VGLL3: variants seen among roughly 807,000 people sequenced by gnomAD.
VGLL3 encodes the protein vestigial like family member 3.
VGLL3 carries 18 observed loss-of-function variants against 29.2 expected under a neutral mutation model. That is an observed-to-expected ratio of 0.62 (90% confidence interval 0.43 to 0.91). The LOEUF is 0.91. VGLL3 is among the 40% of genes least tolerant of loss of function. The probability of loss-of-function intolerance (pLI) is 0.00; values close to 1 mark genes in which losing one functional copy is unlikely to be tolerated. For missense variants in VGLL3, 440 were observed against 413.2 expected (o/e 1.06, Z -0.56); for synonymous variants, 180 against 151.8 (o/e 1.19, Z -1.36).
At chr3:86,980,520 G>T (rs79391067) in intron 1 of VGLL3, among the ~76,000 whole-genome samples, 1 of 152,056 alleles carries the variant, frequency 6.6e-6, no homozygotes, top group Non-Finnish European at 1.5e-5. Flanking sequence ...AATGTGCCTT[G>T]CTGATGAATA....
In VGLL3 at chr3:86,968,614, C is replaced by T. The variant is rs373420798; in HGVS notation, c.913G>A (p.Val305Met). 107 of 1,613,892 alleles carry T rather than the reference C, an allele frequency of 6.6e-5. No individual in the cohort carries two copies. Among genetic ancestry groups the T allele is most frequent in the Non-Finnish European group, 9.0e-5 (106 of 1,180,024 alleles). ...AGAFHGTVDI[V>M]PSVGFDTGLQ... The stretch of plus-strand genomic sequence containing the variant: ...CCTGTATCGAATCCCACGCTGGGCA[C>T]TATGTCTACTGTTCCATGAAAGGCT... Residue 305 changes from valine (V) to methionine (M), a missense_variant, in exon 3 of 4, where the codon GTG becomes ATG. Physicochemically the swap from Val to Met is conservative, Grantham distance 21 (BLOSUM62 1). Transcript: ENST00000398399.
intron 2 of VGLL3, among the ~76,000 whole-genome samples, chr3:86,976,403 C>A (rs1483950894): frequency 6.6e-6 from 1 of 152,174 alleles, no homozygotes; most frequent in Non-Finnish European, 1.5e-5. Context: ...CCTGTTTCTA[C>A]CCTAAAAGCT....
chr3:86,949,683 G>A (rs568745581), intron 3 of VGLL3, among the ~76,000 whole-genome samples: 3 of 151,832 alleles, frequency 2.0e-5, no homozygotes, highest in Non-Finnish European at 4.4e-5. Flanking sequence ...AAAATTAGCC[G>A]GGCGTGATGG....
chr3:86,986,740 A>T (rs1253210125), intron 1 of VGLL3, among the ~76,000 whole-genome samples: 3 of 152,218 alleles, frequency 2.0e-5, no homozygotes, highest in African/African-American at 7.2e-5. Context: ...TGAGACACTT[A>T]ACTGCTAATA....
In VGLL3 at chr3:86,947,082, A is replaced by G. The variant is rs569277158; in HGVS notation, c.938-15T>C. The stretch of plus-strand genomic sequence containing the variant: ...ATGCTGTAGACCTGGAACAAATGAC[A>G]ATGGGGAAAAAATAAAGAACATTAA... On this transcript the variant is annotated splice_polypyrimidine_tract_variant and intron_variant, in intron 3 of 3. Coordinates refer to ENST00000398399, the MANE Select transcript of VGLL3 (RefSeq NM_016206.4). 10 of 780,422 alleles carry G rather than the reference A, an allele frequency of 1.3e-5. No individual in the cohort carries two copies. The African/African-American group carries it at 1.5e-4, about 12-fold the overall frequency. 48.3% of individuals were successfully genotyped at this position (780,422 alleles called of 1,614,324 possible). A position where few individuals can be genotyped will look rare whatever the true frequency, so the allele number is the denominator to read the frequency against.
intron 3 of VGLL3, chr3:86,962,737 G>A: frequency 1.6e-6 from 1 of 637,434 alleles, no homozygotes. Flanking sequence ...GTACATGAGG[G>A]CTGGACACAG....
intron 3 of VGLL3, among the ~76,000 whole-genome samples, chr3:86,948,945 T>G (rs532809002): frequency 1.3e-5 from 2 of 152,354 alleles, no homozygotes; most frequent in African/African-American, 4.8e-5. Context: ...TCTTGTAATC[T>G]AAACCACCTT....
At chr3:86,967,351 C>A (rs1351670764) in intron 3 of VGLL3, among the ~76,000 whole-genome samples, 1 of 152,106 alleles carries the variant, frequency 6.6e-6, no homozygotes, top group Non-Finnish European at 1.5e-5. Flanking sequence ...GCCTGCTGTG[C>A]CATCACACAC....
intron 3 of VGLL3, among the ~76,000 whole-genome samples, chr3:86,953,462 A>T (rs1339210208): frequency 1.3e-5 from 2 of 152,176 alleles, no homozygotes; most frequent in African/African-American, 4.8e-5. Flanking sequence ...ACTTGTGTGA[A>T]TATTTACGAG....
intron 3 of VGLL3, among the ~76,000 whole-genome samples, chr3:86,948,001 G>A (rs186791225): frequency 6.7e-6 from 1 of 150,372 alleles, no homozygotes; most frequent in Non-Finnish European, 1.5e-5. Context: ...AATTAAAATT[G>A]TATATATTTA....
At chr3:86,951,135 CA>C (rs1049829375) in intron 3 of VGLL3, among the ~76,000 whole-genome samples, 4 of 151,926 alleles carry the variant, frequency 2.6e-5, no homozygotes. Context: ...ACAACAGCAA[CA>C]AAAAACCTTT....
chr3:86,990,628 G>A lies in VGLL3; in HGVS notation c.116C>T (p.Pro39Leu). The A allele has an allele frequency of 1.5e-6, 2 of 1,363,694 alleles. No individual in the cohort carries two copies. Among genetic ancestry groups the A allele is most frequent in the Non-Finnish European group, 1.9e-6 (2 of 1,049,490 alleles). The allele number at this position is 1,363,694 out of a possible 1,614,324, so 84.5% of individuals were successfully genotyped here. A position where few individuals can be genotyped will look rare whatever the true frequency, so the allele number is the denominator to read the frequency against. ...CGTCCGGTGACTCACCTGCTGGCCA[G>A]GTTGGGGCGCCGGCTGATAGTAGGC... Reference protein sequence around the residue: ...PTAYYQPAPQPGQQKKLAVFS... With the variant: ...PTAYYQPAPQLGQQKKLAVFS... Residue 39 changes from proline to leucine, a missense_variant, in exon 1 of 4, where the codon CCT (proline) becomes CTT (leucine). Transcript: ENST00000398399.
intron 3 of VGLL3, among the ~76,000 whole-genome samples, chr3:86,961,548 T>C (rs1310901086): frequency 6.6e-6 from 1 of 152,176 alleles, no homozygotes; most frequent in Non-Finnish European, 1.5e-5. Context: ...TATTCTTGCA[T>C]TCACACGTGA....
intron 1 of VGLL3, among the ~76,000 whole-genome samples, chr3:86,988,637 GACCAAAAAA>G (rs1705502607): frequency 6.4e-5 from 1 of 15,740 alleles, no homozygotes; most frequent in African/African-American, 1.5e-4. Context: ...TTCTTTACTT[GACCAAAAAA>G]AAAAAAAAAA....
chr3:86,979,198 A>G (rs1471665275), intron 1 of VGLL3, among the ~76,000 whole-genome samples: 1 of 152,198 alleles, frequency 6.6e-6, no homozygotes, highest in Non-Finnish European at 1.5e-5. Flanking sequence ...AATGTACAGC[A>G]GTGTTATGGT....
At chr3:86,961,805 T>A (rs1575865969) in intron 3 of VGLL3, 3 of 494,342 alleles carry the variant, frequency 6.1e-6, no homozygotes, top group Non-Finnish European at 7.9e-6. Context: ...AACTATGGCT[T>A]CTATTATGCA....
At chr3:86,961,155 A>C (rs1349428883) in intron 3 of VGLL3, among the ~76,000 whole-genome samples, 1 of 152,038 alleles carries the variant, frequency 6.6e-6, no homozygotes, top group Non-Finnish European at 1.5e-5. Flanking sequence ...CCCAAGAAAA[A>C]TAAATCTGTG....
Position 86,944,376 on chromosome 3 carries a change from G to C in VGLL3, c.*2648C>G, listed in dbSNP as rs1426406449. The stretch of plus-strand genomic sequence containing the variant: ...TCCTCCGGACTCAGCCTCCAGAGTA[G>C]CTGGGACAACAGGTGTGCCCCACAA... On this transcript the variant is annotated 3_prime_UTR_variant, in exon 4 of 4. Coordinates refer to ENST00000398399, the MANE Select transcript of VGLL3 (RefSeq NM_016206.4). 6.6e-6 allele frequency: 1 copy of C among 152,556 alleles called. No homozygotes were observed. The highest frequency in any genetic ancestry group is 2.4e-5 in the African/African-American group (1 of 41,446). The allele number at this position is 152,556 out of a possible 1,614,324, so 9.5% of individuals were successfully genotyped here. A position where few individuals can be genotyped will look rare whatever the true frequency, so the allele number is the denominator to read the frequency against.
At chr3:86,971,281 G>A (rs150272355) in intron 2 of VGLL3, among the ~76,000 whole-genome samples, 39 of 152,260 alleles carry the variant, frequency 2.6e-4, no homozygotes, top group African/African-American at 8.9e-4. Context: ...TGTGGTGTGT[G>A]AACATTTCCT....
Sources: gnomAD v4.1 joint callset for allele counts (sites outside exome capture counted in the v4.1 genomes callset) on GRCh38, gnomAD v4.1.1 for gene constraint, MANE v1.5 for transcripts, NCBI Gene and HGNC (gene_info 2026-07-23, HGNC 2026-07-21) for gene names.